Variants in SLC38A6 observed in about 807,000 individuals in gnomAD.
SLC38A6 encodes the protein N system amino acid transporter NAT-1.
In SLC38A6, 73 loss-of-function variants were observed where a neutral mutation model predicts 65.0. The ratio of observed to expected loss-of-function variants is 1.12; its 90% CI spans 0.93 to 1.37. SLC38A6 has a LOEUF of 1.37. SLC38A6 is among the 40% of genes most tolerant of loss of function. SLC38A6 has a pLI of 0.00. For missense variants in SLC38A6, 561 were observed against 531.1 expected (o/e 1.06, Z -0.55); for synonymous variants, 183 against 178.8 (o/e 1.02, Z -0.19).
chr14:60,983,502 C>T (rs962577204), intron 2 of SLC38A6, among the ~76,000 whole-genome samples: 7 of 152,034 alleles, frequency 4.6e-5, no homozygotes, highest in Non-Finnish European at 5.9e-5. Context: ...TAGAAAAATC[C>T]TTTATAACTG....
chr14:60,983,586 G>A (rs147877195), intron 2 of SLC38A6, among the ~76,000 whole-genome samples: 1 of 152,288 alleles, frequency 6.6e-6, no homozygotes, highest in African/African-American at 2.4e-5. Flanking sequence ...AGTAGAAGCA[G>A]ATCTATTTAC....
At chr14:61,067,283 A>G (rs540022133) in intron 15 of SLC38A6, among the ~76,000 whole-genome samples, 2 of 152,188 alleles carry the variant, frequency 1.3e-5, no homozygotes, top group Non-Finnish European at 2.9e-5. Flanking sequence ...GTGAGATTAC[A>G]TATTTGGGAA....
At chr14:61,081,984 G>A (rs1467792225) in intron 16 of SLC38A6, among the ~76,000 whole-genome samples, 1 of 152,126 alleles carries the variant, frequency 6.6e-6, no homozygotes, top group Non-Finnish European at 1.5e-5. Context: ...TCAGGAAGAT[G>A]CCACATGGGA....
At chr14:61,050,186 A>G (rs2042423231) in intron 12 of SLC38A6, among the ~76,000 whole-genome samples, 1 of 152,164 alleles carries the variant, frequency 6.6e-6, no homozygotes. Flanking sequence ...ATTCAACAAC[A>G]CGTGTGAAAG....
At chr14:61,078,481 C>T (rs965410380) in intron 15 of SLC38A6, among the ~76,000 whole-genome samples, 5 of 152,158 alleles carry the variant, frequency 3.3e-5, no homozygotes, top group African/African-American at 1.2e-4. Flanking sequence ...GTAGAGAATG[C>T]TGGACCCAGG....
chr14:61,046,422 G>A (rs1425992810), intron 12 of SLC38A6, among the ~76,000 whole-genome samples: 3 of 152,094 alleles, frequency 2.0e-5, no homozygotes, highest in Admixed American at 6.6e-5. Flanking sequence ...CAGGCTTAGG[G>A]ACATGATTCT....
intron 12 of SLC38A6, among the ~76,000 whole-genome samples, chr14:61,049,597 C>T (rs2139849290): frequency 6.6e-6 from 1 of 152,258 alleles, no homozygotes; most frequent in Admixed American, 6.5e-5. Flanking sequence ...TCTCTGGCCA[C>T]TTACATGTGT....
chr14:61,022,036 C>T (rs973020961), intron 5 of SLC38A6, among the ~76,000 whole-genome samples: 42 of 152,106 alleles, frequency 2.8e-4, no homozygotes, highest in Admixed American at 1.4e-3. Context: ...AATTGTTGGA[C>T]GGTAGAGTGG....
intron 15 of SLC38A6, among the ~76,000 whole-genome samples, chr14:61,072,963 C>G (rs1457777960): frequency 1.3e-5 from 2 of 152,184 alleles, no homozygotes; most frequent in African/African-American, 4.8e-5. Flanking sequence ...AAACTGTTCT[C>G]TACAGTGGTT....
At chr14:60,985,888 G>C (rs887345707) in intron 3 of SLC38A6, among the ~76,000 whole-genome samples, 16 of 152,138 alleles carry the variant, frequency 1.1e-4, no homozygotes, top group African/African-American at 3.9e-4. Context: ...CACATGGCAA[G>C]AGAGGAAGCG....
chr14:61,035,275 C>T (rs994509520), intron 6 of SLC38A6, among the ~76,000 whole-genome samples: 1 of 152,166 alleles, frequency 6.6e-6, no homozygotes, highest in African/African-American at 2.4e-5. Context: ...CATAACATCT[C>T]TAACCTAGTC....
intron 2 of SLC38A6, among the ~76,000 whole-genome samples, chr14:60,983,955 A>T (rs969745784): frequency 6.6e-6 from 1 of 152,214 alleles, no homozygotes; most frequent in Admixed American, 6.5e-5. Context: ...TTGTACTTTT[A>T]CCTCTCAATT....
intron 4 of SLC38A6, among the ~76,000 whole-genome samples, chr14:61,017,982 C>T (rs535098934): frequency 2.6e-5 from 4 of 152,184 alleles, no homozygotes; most frequent in Non-Finnish European, 5.9e-5. Flanking sequence ...AGATTTATTT[C>T]AATGTCTATA....
intron 3 of SLC38A6, among the ~76,000 whole-genome samples, chr14:61,011,259 A>G (rs1051756534): frequency 5.9e-5 from 9 of 152,214 alleles, no homozygotes; most frequent in African/African-American, 2.2e-4. Flanking sequence ...GAAGTTGCCT[A>G]TCAGCTTAAG....
intron 10 of SLC38A6, among the ~76,000 whole-genome samples, chr14:61,043,803 G>A (rs1403533764): frequency 6.6e-6 from 1 of 150,864 alleles, no homozygotes; most frequent in African/African-American, 2.4e-5. Context: ...GGCCAATAAG[G>A]TCCTCTGTGT....
chr14:61,003,699 G>A (rs865787160), intron 3 of SLC38A6, among the ~76,000 whole-genome samples: 1 of 152,132 alleles, frequency 6.6e-6, no homozygotes, highest in East Asian at 1.9e-4. Flanking sequence ...TGAGTATGTG[G>A]AGATCAAACA....
intron 3 of SLC38A6, among the ~76,000 whole-genome samples, chr14:61,005,706 T>G (rs2039056400): frequency 6.6e-6 from 1 of 152,166 alleles, no homozygotes; most frequent in Non-Finnish European, 1.5e-5. Context: ...TGGAAGAACA[T>G]TCCATGCTCA....
chr14:61,070,303 A>G (rs2043188524), intron 15 of SLC38A6, among the ~76,000 whole-genome samples: 1 of 152,216 alleles, frequency 6.6e-6, no homozygotes, highest in South Asian at 2.1e-4. Flanking sequence ...GGAATCATGT[A>G]GTATTTTGTC....
chr14:61,063,709 A>ACT (rs1566724672), intron 15 of SLC38A6, among the ~76,000 whole-genome samples: 97 of 151,964 alleles, frequency 6.4e-4, no homozygotes, highest in African/African-American at 2.3e-3. Context: ...GAAGATCAAG[A>ACT]TATTTAGCAA....
Sources: allele counts gnomAD v4.1 joint callset (sites outside exome capture counted in the v4.1 genomes callset), GRCh38; gene constraint gnomAD v4.1.1; transcripts MANE v1.5; gene names NCBI Gene and HGNC (gene_info 2026-07-23, HGNC 2026-07-21).